PGCKA1: variants seen among roughly 807,000 people sequenced by gnomAD.
PGCKA1 encodes the protein PDCD10 and GCKIII kinases-associated protein 1.
the PGCKA1 span, among the ~76,000 whole-genome samples, chr4:37,456,911 G>A: frequency 1.3e-5 from 2 of 152,162 alleles, no homozygotes; most frequent in Non-Finnish European, 2.9e-5. Flanking sequence ...AGAAGCACTG[G>A]TATTTAAGAT....
the PGCKA1 span, among the ~76,000 whole-genome samples, chr4:37,535,381 C>T: frequency 2.0e-5 from 3 of 152,162 alleles, no homozygotes; most frequent in Non-Finnish European, 4.4e-5. Flanking sequence ...GAGTGAGACC[C>T]TGTTTCAAAA....
chr4:37,482,509 C>A, the PGCKA1 span, among the ~76,000 whole-genome samples: 3 of 152,138 alleles, frequency 2.0e-5, no homozygotes, highest in African/African-American at 2.4e-5. Context: ...AAATTCTAAG[C>A]AGGAAAGCAT....
At chr4:37,462,035 T>C in the PGCKA1 span, among the ~76,000 whole-genome samples, 2 of 152,030 alleles carry the variant, frequency 1.3e-5, no homozygotes, top group Admixed American at 1.3e-4. Flanking sequence ...AAGGATACTT[T>C]TTGGTGATTG....
chr4:37,456,973 T>C, the PGCKA1 span, among the ~76,000 whole-genome samples: 1 of 152,244 alleles, frequency 6.6e-6, no homozygotes, highest in African/African-American at 2.4e-5. Flanking sequence ...TCAATTTACA[T>C]GTCATTTCAA....
chr4:37,551,374 G>C, the PGCKA1 span, among the ~76,000 whole-genome samples: 1 of 152,182 alleles, frequency 6.6e-6, no homozygotes, highest in Non-Finnish European at 1.5e-5. Context: ...CTGCCAGCTA[G>C]ACACAAGATG....
chr4:37,554,347 A>ATATTTATT, the PGCKA1 span, among the ~76,000 whole-genome samples: 16 of 150,310 alleles, frequency 1.1e-4, no homozygotes, highest in East Asian at 1.2e-3. Flanking sequence ...TCCTTTAGAA[A>ATATTTATT]TATTTATTTA....
At chr4:37,555,826 T>G in the PGCKA1 span, among the ~76,000 whole-genome samples, 1 of 152,168 alleles carries the variant, frequency 6.6e-6, no homozygotes, top group South Asian at 2.1e-4. Flanking sequence ...ACCCCACAGA[T>G]GTAGATGTTC....
the PGCKA1 span, among the ~76,000 whole-genome samples, chr4:37,467,752 C>T: frequency 6.6e-6 from 1 of 152,224 alleles, no homozygotes; most frequent in Non-Finnish European, 1.5e-5. Context: ...CTTGGAAGGC[C>T]TCATAAATAA....
At chr4:37,454,003 ACCCCGCCGCCGC>A in the PGCKA1 span, 5 of 159,112 alleles carry the variant, frequency 3.1e-5, no homozygotes, top group African/African-American at 1.2e-4. Flanking sequence ...GGGCGCCGGG[ACCCCGCCGCCGC>A]CGCCGCCGCC....
chr4:37,492,086 G>A, the PGCKA1 span, among the ~76,000 whole-genome samples: 1 of 150,564 alleles, frequency 6.6e-6, no homozygotes, highest in Non-Finnish European at 1.5e-5. The surrounding 1 kb of genome is among the most constrained non-coding windows in gnomAD (Gnocchi z 4.7). Context: ...CTTTCTACCA[G>A]GCTGGAGTGC....
chr4:37,540,847 A>C, the PGCKA1 span, among the ~76,000 whole-genome samples: 1 of 152,132 alleles, frequency 6.6e-6, no homozygotes, highest in African/African-American at 2.4e-5. Context: ...ACCTGACTGC[A>C]TTTACAGATT....
the PGCKA1 span, among the ~76,000 whole-genome samples, chr4:37,554,458 GCT>G: frequency 2.0e-5 from 3 of 152,064 alleles, no homozygotes; most frequent in Non-Finnish European, 1.5e-5. Context: ...AAGCAATTCT[GCT>G]CCTCAGCCTC....
chr4:37,472,278 CCT>C, the PGCKA1 span, among the ~76,000 whole-genome samples: 15 of 152,176 alleles, frequency 9.9e-5, no homozygotes, highest in African/African-American at 3.6e-4. Context: ...TGTTCCTTTT[CCT>C]GTTCAAGGCC....
At chr4:37,566,647 A>G in the PGCKA1 span, among the ~76,000 whole-genome samples, 1 of 151,682 alleles carries the variant, frequency 6.6e-6, no homozygotes, top group Non-Finnish European at 1.5e-5. Context: ...GCAATGGCAC[A>G]ATCTTGGCTC....
the PGCKA1 span, among the ~76,000 whole-genome samples, chr4:37,583,595 C>G: frequency 2.0e-5 from 3 of 152,148 alleles, no homozygotes; most frequent in African/African-American, 7.2e-5. Context: ...CACCACCACG[C>G]CCAGCTAATT....
the PGCKA1 span, among the ~76,000 whole-genome samples, chr4:37,482,493 A>C: frequency 6.6e-6 from 1 of 152,236 alleles, no homozygotes; most frequent in East Asian, 1.9e-4. Flanking sequence ...AGTATCTGGC[A>C]GAAGAAAATT....
chr4:37,507,030 A>G, the PGCKA1 span, among the ~76,000 whole-genome samples: 1 of 152,042 alleles, frequency 6.6e-6, no homozygotes, highest in Non-Finnish European at 1.5e-5. Context: ...ATTATTACAT[A>G]ATGACCTTTG....
chr4:37,505,046 A>G, the PGCKA1 span, among the ~76,000 whole-genome samples: 1 of 152,182 alleles, frequency 6.6e-6, no homozygotes. Context: ...GTATGATACC[A>G]GCTGTAGCTC....
the PGCKA1 span, among the ~76,000 whole-genome samples, chr4:37,468,278 C>G: frequency 6.6e-6 from 1 of 152,178 alleles, no homozygotes; most frequent in African/African-American, 2.4e-5. Context: ...TGACTATGGG[C>G]GTGGAGCAGT....
Sources: gnomAD v4.1 joint callset for allele counts (sites outside exome capture counted in the v4.1 genomes callset) on GRCh38, gnomAD v4.1.1 for gene constraint, Gnocchi (gnomAD v3.1) non-coding constraint, MANE v1.5 for transcripts, NCBI Gene and HGNC (gene_info 2026-07-23, HGNC 2026-07-21) for gene names.